CACNA2D3: variants seen among roughly 807,000 people sequenced by gnomAD.
CACNA2D3 encodes the protein voltage-dependent calcium channel subunit alpha-2/delta-3.
Under a neutral mutation model 160.6 loss-of-function variants are expected in CACNA2D3, and 60 were observed. That is an observed-to-expected ratio of 0.37 (90% CI 0.30 to 0.46). The LOEUF (loss-of-function observed/expected upper bound fraction) is 0.46, where lower values mean the gene tolerates loss of function less well. Ranked by LOEUF, CACNA2D3 falls within the 20% of genes least tolerant of loss-of-function variation. The pLI is 1.00. For synonymous variants in CACNA2D3, 558 were observed against 492.9 expected (o/e 1.13, Z -1.75); for missense variants, 1,205 against 1,365.0 (o/e 0.88, Z 1.85).
chr3:54,793,673 G>T (rs914132177), intron 13 of CACNA2D3, among the ~76,000 whole-genome samples: 1 of 152,238 alleles, frequency 6.6e-6, no homozygotes, highest in African/African-American at 2.4e-5. Flanking sequence ...CTAGGTCAGT[G>T]TAGTGCAGTG....
intron 10 of CACNA2D3, among the ~76,000 whole-genome samples, chr3:54,629,017 G>T (rs1434095834): frequency 2.0e-5 from 3 of 152,140 alleles, no homozygotes; most frequent in Non-Finnish European, 4.4e-5. Context: ...GAAAGACCTT[G>T]ATTCTTTCCT....
intron 11 of CACNA2D3, among the ~76,000 whole-genome samples, chr3:54,727,264 T>C (rs1246227488): frequency 6.6e-6 from 1 of 152,026 alleles, no homozygotes; most frequent in Non-Finnish European, 1.5e-5. Context: ...ACAACAGATG[T>C]GGGAGAGGAT....
chr3:54,323,660 G>T (rs1173143446), intron 3 of CACNA2D3, among the ~76,000 whole-genome samples: 2 of 152,026 alleles, frequency 1.3e-5, no homozygotes, highest in Non-Finnish European at 2.9e-5. Flanking sequence ...TAGAGACGGG[G>T]TTTCACTGTG....
intron 2 of CACNA2D3, among the ~76,000 whole-genome samples, chr3:54,255,231 C>T (rs1702270811): frequency 6.6e-6 from 1 of 152,216 alleles, no homozygotes; most frequent in African/African-American, 2.4e-5. Context: ...CCGTCTAAGC[C>T]TTCAAATAAA....
At chr3:54,829,236 T>C (rs1703815087) in intron 14 of CACNA2D3, among the ~76,000 whole-genome samples, 1 of 152,120 alleles carries the variant, frequency 6.6e-6, no homozygotes, top group South Asian at 2.1e-4. Context: ...CTCCAAAAGG[T>C]GTCTGTATCT....
intron 14 of CACNA2D3, among the ~76,000 whole-genome samples, chr3:54,822,792 TTTCTTTCTTTCTTTC>T (rs1703654299): frequency 5.1e-5 from 3 of 59,258 alleles, no homozygotes; most frequent in African/African-American, 2.0e-4. Flanking sequence ...CTTTCTTTCC[TTTCTTTCTTTCTTTC>T]TTTCTTTCTT....
At chr3:54,221,531 T>C (rs1307622371) in intron 2 of CACNA2D3, among the ~76,000 whole-genome samples, 1 of 152,210 alleles carries the variant, frequency 6.6e-6, no homozygotes, top group Non-Finnish European at 1.5e-5. Flanking sequence ...TAATCCAAAT[T>C]GAAACCTGCT....
chr3:54,436,460 T>C (rs1383539961), intron 4 of CACNA2D3, among the ~76,000 whole-genome samples: 1 of 152,166 alleles, frequency 6.6e-6, no homozygotes, highest in Non-Finnish European at 1.5e-5. Context: ...ATCATTCTAC[T>C]ATAAAGTCAC....
chr3:54,124,022 T>C (rs1372760840), intron 2 of CACNA2D3, among the ~76,000 whole-genome samples: 1 of 152,212 alleles, frequency 6.6e-6, no homozygotes, highest in Non-Finnish European at 1.5e-5. Context: ...AGAAAGACGC[T>C]GCACTATTGT....
intron 14 of CACNA2D3, among the ~76,000 whole-genome samples, chr3:54,831,808 C>A (rs867636286): frequency 1.3e-5 from 2 of 151,972 alleles, no homozygotes; most frequent in Non-Finnish European, 1.5e-5. Flanking sequence ...TCATTTATGG[C>A]CCAGATTGGT....
intron 35 of CACNA2D3, among the ~76,000 whole-genome samples, chr3:55,022,729 C>A (rs940662324): frequency 5.0e-5 from 7 of 140,886 alleles, no homozygotes; most frequent in African/African-American, 1.9e-4. Flanking sequence ...TTTCCATACT[C>A]TATGTAAAGT....
chr3:54,665,400 C>T (rs185149743), intron 11 of CACNA2D3, among the ~76,000 whole-genome samples: 151 of 152,270 alleles, frequency 9.9e-4, no homozygotes, highest in Admixed American at 2.2e-3. Context: ...CATGGAGTGC[C>T]GAGTCAGTCC....
At chr3:54,532,102 A>G (rs1255200290) in intron 5 of CACNA2D3, among the ~76,000 whole-genome samples, 6 of 152,060 alleles carry the variant, frequency 3.9e-5, no homozygotes, top group African/African-American at 1.4e-4. Context: ...TTTTGTTTGT[A>G]TCAATGTAGG....
intron 5 of CACNA2D3, among the ~76,000 whole-genome samples, chr3:54,514,781 G>A (rs1213500235): frequency 1.3e-5 from 2 of 152,146 alleles, no homozygotes; most frequent in Admixed American, 6.5e-5. Flanking sequence ...GGGGTGGGGT[G>A]GGAGGTGGAG....
chr3:54,732,075 G>A (rs1009105386), intron 11 of CACNA2D3, among the ~76,000 whole-genome samples: 2 of 152,044 alleles, frequency 1.3e-5, no homozygotes, highest in East Asian at 1.9e-4. Flanking sequence ...ATTTGTTGCC[G>A]TTTTTCTCTT....
intron 35 of CACNA2D3, among the ~76,000 whole-genome samples, chr3:55,055,385 T>C (rs1284153101): frequency 6.6e-6 from 1 of 152,150 alleles, no homozygotes; most frequent in Non-Finnish European, 1.5e-5. Flanking sequence ...CTGGGCTCTT[T>C]ATTCTGTTCC....
chr3:54,889,037 T>G (rs1443605211), intron 24 of CACNA2D3, among the ~76,000 whole-genome samples: 3 of 152,110 alleles, frequency 2.0e-5, no homozygotes, highest in Non-Finnish European at 2.9e-5. Flanking sequence ...AGTTCAAGGT[T>G]TGGGCAGCAT....
chr3:54,545,323 T>A (rs1702044137), intron 5 of CACNA2D3, among the ~76,000 whole-genome samples: 1 of 152,268 alleles, frequency 6.6e-6, no homozygotes, highest in Non-Finnish European at 1.5e-5. Flanking sequence ...TTGAAGATAC[T>A]TGGAGCTTAA....
intron 3 of CACNA2D3, among the ~76,000 whole-genome samples, chr3:54,368,453 AAG>A (rs1698863069): frequency 6.6e-6 from 1 of 152,114 alleles, no homozygotes; most frequent in Non-Finnish European, 1.5e-5. Flanking sequence ...GAGAGAAAGA[AAG>A]AGAAGGGGAG....
Sources: allele counts gnomAD v4.1 joint callset (sites outside exome capture counted in the v4.1 genomes callset), GRCh38; gene constraint gnomAD v4.1.1; transcripts MANE v1.5; gene names NCBI Gene and HGNC (gene_info 2026-07-23, HGNC 2026-07-21).